The following SEMA3E variants were observed in gnomAD, a reference collection of about 807,000 sequenced individuals.
SEMA3E encodes semaphorin-3E.
Under a neutral mutation model 93.6 loss-of-function variants are expected in SEMA3E, and 49 were observed. The ratio of observed to expected loss-of-function variants is 0.52; its 90% CI spans 0.42 to 0.66. The LOEUF is 0.66. Among genes scored for constraint, SEMA3E ranks in the 30% least tolerant of loss-of-function variants. The pLI, the probability that SEMA3E is intolerant of heterozygous loss-of-function variation, is 0.00. For synonymous variants in SEMA3E, 363 were observed against 330.7 expected, an observed-to-expected ratio of 1.10 and a Z score of -1.06; for missense variants, 906 against 964.8, an observed-to-expected ratio of 0.94 and a Z score of 0.81.
chr7:83,454,706 T>G (rs1383761435), intron 4 of SEMA3E, among the ~76,000 whole-genome samples: 3 of 152,226 alleles, frequency 2.0e-5, no homozygotes, highest in Admixed American at 2.0e-4. Context: ...ATGCTTTATT[T>G]GGAATAATAA....
At chr7:83,463,424 G>A (rs28773252) in intron 4 of SEMA3E, among the ~76,000 whole-genome samples, 24,807 of 150,672 alleles carry the variant, frequency 0.16, 1,414 homozygotes, top group African/African-American at 0.23. Context: ...CATACCTGAC[G>A]CATATACTTT....
At chr7:83,590,178 A>T (rs1241761759) in intron 1 of SEMA3E, among the ~76,000 whole-genome samples, 2 of 152,174 alleles carry the variant, frequency 1.3e-5, no homozygotes, top group Non-Finnish European at 1.5e-5. Flanking sequence ...ACATGAATTA[A>T]AAAGTGAAAG....
At chr7:83,432,598 T>C (rs1009938461) in intron 4 of SEMA3E, among the ~76,000 whole-genome samples, 6 of 152,160 alleles carry the variant, frequency 3.9e-5, no homozygotes, top group Non-Finnish European at 8.8e-5. Context: ...AAAACACATA[T>C]ATAGAGATAT....
intron 1 of SEMA3E, among the ~76,000 whole-genome samples, chr7:83,623,992 G>C (rs569598356): frequency 1.8e-3 from 267 of 151,002 alleles, no homozygotes; most frequent in African/African-American, 6.3e-3. Flanking sequence ...TTCTGTTCCT[G>C]TGTTAGTTTG....
intron 1 of SEMA3E, among the ~76,000 whole-genome samples, chr7:83,638,760 A>G (rs1688031908): frequency 6.6e-6 from 1 of 152,156 alleles, no homozygotes; most frequent in Non-Finnish European, 1.5e-5. Flanking sequence ...CCACACACAC[A>G]GCCCAGTGTT....
At chr7:83,443,032 C>T (rs1440838803) in intron 4 of SEMA3E, among the ~76,000 whole-genome samples, 1 of 152,112 alleles carries the variant, frequency 6.6e-6, no homozygotes, top group Non-Finnish European at 1.5e-5. Flanking sequence ...AGAGAAGAGA[C>T]TGTTGGAACT....
chr7:83,617,153 A>G (rs1793387360), intron 1 of SEMA3E, among the ~76,000 whole-genome samples: 1 of 152,094 alleles, frequency 6.6e-6, no homozygotes. Flanking sequence ...GAATAATTTA[A>G]AATGTTTTGT....
In SEMA3E at chr7:83,466,661, T is replaced by C. The variant is rs946213812; in HGVS notation, c.337-60A>G. 2.5e-6 allele frequency: 4 copies of C among 1,599,336 alleles called. No homozygotes were observed. In the Admixed American group the frequency reaches 6.7e-5, roughly 27 times the overall value. On this transcript the variant is annotated intron_variant, in intron 3 of 16. Transcript: ENST00000643230. Reference sequence around the variant, plus strand: ...TATAATAAACATGTTTCGTCCTTTTTGATTTTTGTTTTTCCTAGCCCTAGA... The same window carrying C: ...TATAATAAACATGTTTCGTCCTTTTCGATTTTTGTTTTTCCTAGCCCTAGA...
intron 1 of SEMA3E, among the ~76,000 whole-genome samples, chr7:83,637,585 A>G (rs1793905263): frequency 6.6e-6 from 1 of 152,012 alleles, no homozygotes; most frequent in East Asian, 1.9e-4. Context: ...TTCTTCTGAC[A>G]GTGTGTGAGT....
At chr7:83,614,353 T>G (rs1793324066) in intron 1 of SEMA3E, among the ~76,000 whole-genome samples, 1 of 152,136 alleles carries the variant, frequency 6.6e-6, no homozygotes. Context: ...CTGTGTTTCT[T>G]CCTTGTAAGG....
chr7:83,599,991 T>C (rs1792951247), intron 1 of SEMA3E, among the ~76,000 whole-genome samples: 1 of 152,206 alleles, frequency 6.6e-6, no homozygotes. Context: ...TACTTAATTT[T>C]GAGTAATTAT....
intron 1 of SEMA3E, among the ~76,000 whole-genome samples, chr7:83,634,376 T>C (rs965784376): frequency 9.2e-5 from 14 of 152,142 alleles, no homozygotes; most frequent in African/African-American, 3.4e-4. Flanking sequence ...AAATTAGAGA[T>C]AATTCAGTTT....
intron 4 of SEMA3E, among the ~76,000 whole-genome samples, chr7:83,431,103 A>AAG (rs1554324403): frequency 2.4e-4 from 35 of 147,318 alleles, no homozygotes; most frequent in Middle Eastern, 3.6e-3. Flanking sequence ...AGAAAAAAAA[A>AAG]AAAAGCCCAA....
chr7:83,466,414 GTCT>G, intron 4 of SEMA3E, 65 bp downstream of exon 4: 3 of 1,566,044 alleles, frequency 1.9e-6, no homozygotes, highest in Non-Finnish European at 2.6e-6. Context: ...AAATGCTGTA[GTCT>G]TTCTTTGAGA....
At chr7:83,475,418 T>C (rs1789989587) in intron 2 of SEMA3E, among the ~76,000 whole-genome samples, 3 of 152,030 alleles carry the variant, frequency 2.0e-5, no homozygotes, top group South Asian at 2.1e-4. Context: ...CCAGGGCAAA[T>C]GGAAGATTTG....
chr7:83,476,336 A>G (rs996498244), intron 2 of SEMA3E, among the ~76,000 whole-genome samples: 1 of 152,170 alleles, frequency 6.6e-6, no homozygotes, highest in African/African-American at 2.4e-5. Flanking sequence ...GAAATACTGT[A>G]GGATTTTAGC....
At chr7:83,570,126 G>A (rs1226067852) in intron 1 of SEMA3E, among the ~76,000 whole-genome samples, 2 of 152,104 alleles carry the variant, frequency 1.3e-5, no homozygotes, top group African/African-American at 2.4e-5. Flanking sequence ...TAAATCTTGG[G>A]TCAACAAGAA....
Position 83,367,562 on chromosome 7 carries a change from AAGACAGT to A in SEMA3E, c.*17_*23del. On this transcript the variant is annotated 3_prime_UTR_variant, in exon 17 of 17. Transcript: ENST00000643230. ...TACTTTCCAAATATAAATTCTTCAAAAGACAGTAGATAGTCTCACCCCATCAGGAGTC... is the reference window on the plus strand; with the variant it reads ...TACTTTCCAAATATAAATTCTTCAAAAGATAGTCTCACCCCATCAGGAGTC... 6.2e-7 allele frequency: 1 copy of A among 1,610,414 alleles called. No individual in the cohort carries two copies. The highest frequency in any genetic ancestry group is 8.5e-7 in the Non-Finnish European group (1 of 1,176,702).
At chr7:83,428,413 T>C (rs1788815045) in intron 4 of SEMA3E, among the ~76,000 whole-genome samples, 1 of 152,190 alleles carries the variant, frequency 6.6e-6, no homozygotes, top group African/African-American at 2.4e-5. Flanking sequence ...AAATACACAA[T>C]GTTCATTACA....
Sources: gnomAD v4.1 joint callset for allele counts (sites outside exome capture counted in the v4.1 genomes callset) on GRCh38, gnomAD v4.1.1 for gene constraint, MANE v1.5 for transcripts, NCBI Gene and HGNC (gene_info 2026-07-23, HGNC 2026-07-21) for gene names.